The following MINDY3 variants were observed in gnomAD, a reference collection of about 807,000 sequenced individuals.
MINDY3 encodes ubiquitin carboxyl-terminal hydrolase MINDY-3.
A neutral mutation model predicts 69.2 loss-of-function variants in MINDY3; 38 were observed. The observed-to-expected ratio is 0.55, with a 90% CI of 0.42 to 0.72. The LOEUF (loss-of-function observed/expected upper bound fraction) is 0.72, where lower values mean the gene tolerates loss of function less well. Among genes scored for constraint, MINDY3 ranks in the 30% least tolerant of loss-of-function variants. The probability of loss-of-function intolerance (pLI) is 0.00; values close to 1 mark genes in which losing one functional copy is unlikely to be tolerated. For missense variants in MINDY3, 522 were observed against 519.0 expected (o/e 1.01, Z -0.06); for synonymous variants, 192 against 180.1 (o/e 1.07, Z -0.53).
intron 8 of MINDY3, among the ~76,000 whole-genome samples, chr10:15,827,415 C>CG (rs1476784476): frequency 6.6e-6 from 1 of 151,826 alleles, no homozygotes; most frequent in African/African-American, 2.4e-5. Context: ...GTGGCATATA[C>CG]CTATAATCCC....
At chr10:15,809,800 G>A in intron 10 of MINDY3, among the ~76,000 whole-genome samples, 1 of 151,966 alleles carries the variant, frequency 6.6e-6, no homozygotes. Context: ...AGACTCCTTA[G>A]GATACTATGT....
Position 15,841,612 on chromosome 10 carries a change from A to G in MINDY3, c.236-13T>C. On this transcript the variant is annotated splice_polypyrimidine_tract_variant and intron_variant, in intron 3 of 14. Transcript: ENST00000277632. ...TTCTGCTCTTCCTCTAAAAATAACC[A>G]AAGCATAAGTTATAATGGTTTCCTC... The G allele has an allele frequency of 6.3e-7, 1 of 1,583,752 alleles. No homozygotes were observed. The highest frequency in any genetic ancestry group is 1.2e-5 in the South Asian group (1 of 86,462).
intron 8 of MINDY3, among the ~76,000 whole-genome samples, chr10:15,822,248 AAAG>A (rs1469443481): frequency 9.2e-5 from 14 of 152,304 alleles, no homozygotes; most frequent in South Asian, 6.2e-4. Context: ...CTGGGGAAAT[AAAG>A]AAGAATAGAA....
Position 15,834,542 on chromosome 10 carries a change from C to G in MINDY3, c.650+1G>C. 1 of 1,604,986 alleles carries G rather than the reference C, an allele frequency of 6.2e-7. No individual in the cohort carries two copies. Among genetic ancestry groups the G allele is most frequent in the Non-Finnish European group, 8.5e-7 (1 of 1,174,810 alleles). On this transcript the variant is annotated splice_donor_variant, in intron 7 of 14. Transcript: ENST00000277632. LOFTEE classifies it high-confidence loss of function. ...GGAGACAAGAGATTTTAGTTAATTA[C>G]CTGCCATGTCCATATACAGGATCTA... is the stretch of plus-strand genomic sequence containing the variant.
At chr10:15,812,335 CACA>C (rs1188559854) in intron 10 of MINDY3, among the ~76,000 whole-genome samples, 1 of 152,162 alleles carries the variant, frequency 6.6e-6, no homozygotes, top group Non-Finnish European at 1.5e-5. Flanking sequence ...AAATATTACT[CACA>C]ACATCTTTTA....
chr10:15,849,412 G>A (rs925771280), intron 1 of MINDY3, among the ~76,000 whole-genome samples: 7 of 151,244 alleles, frequency 4.6e-5, no homozygotes, highest in Non-Finnish European at 7.4e-5. Context: ...AACCAGCAGA[G>A]ATCTTTCAGT....
At chr10:15,852,260 T>C (rs984427655) in intron 1 of MINDY3, among the ~76,000 whole-genome samples, 2 of 152,174 alleles carry the variant, frequency 1.3e-5, no homozygotes, top group Admixed American at 6.6e-5. Flanking sequence ...TATTGCTCAA[T>C]TAATGCTTGT....
At position 15,778,732 on chromosome 10, in the gene MINDY3, T is replaced by C. The variant is rs535622747; in HGVS notation, c.*260A>G. The stretch of plus-strand genomic sequence containing the variant: ...TTTGGTAAGTAAATGACCAAGTATC[T>C]GAATGCAAAAGTGATGAACTTTGAT... On this transcript the variant is annotated 3_prime_UTR_variant, in exon 15 of 15. Coordinates refer to ENST00000277632, the MANE Select transcript of MINDY3 (RefSeq NM_024948.4). 23 of 315,686 alleles carry C rather than the reference T, an allele frequency of 7.3e-5. 1 individual carries two copies. In the East Asian group the frequency reaches 1.2e-3, roughly 16 times the overall value. The allele number at this position is 315,686 out of a possible 1,614,324, so 19.6% of individuals were successfully genotyped here.
intron 1 of MINDY3, among the ~76,000 whole-genome samples, chr10:15,858,506 T>C (rs984623851): frequency 1.3e-5 from 2 of 152,234 alleles, no homozygotes; most frequent in African/African-American, 2.4e-5. Context: ...GTGTTCACTA[T>C]ACGTCAGATA....
chr10:15,807,425 A>C (rs1422101402), intron 10 of MINDY3, among the ~76,000 whole-genome samples: 1 of 152,204 alleles, frequency 6.6e-6, no homozygotes, highest in African/African-American at 2.4e-5. Flanking sequence ...TATTCTGGGC[A>C]GAGGATAACA....
chr10:15,828,413 C>A (rs1564503823), intron 8 of MINDY3, among the ~76,000 whole-genome samples: 1 of 151,888 alleles, frequency 6.6e-6, no homozygotes, highest in African/African-American at 2.4e-5. Context: ...CTAGGGCTGG[C>A]GTGGAAGGAA....
chr10:15,816,732 G>C, intron 10 of MINDY3, 103 bp downstream of exon 10: 1 of 770,588 alleles, frequency 1.3e-6, no homozygotes, highest in Non-Finnish European at 2.2e-6. Context: ...CATTTGTTGT[G>C]GGAATAGACT....
At chr10:15,859,090 T>G (rs1281013735) in intron 1 of MINDY3, among the ~76,000 whole-genome samples, 1 of 152,162 alleles carries the variant, frequency 6.6e-6, no homozygotes, top group Non-Finnish European at 1.5e-5. Context: ...ACAACTAATT[T>G]TTTTCGCCTG....
intron 7 of MINDY3, among the ~76,000 whole-genome samples, chr10:15,834,040 C>A (rs1020804206): frequency 2.6e-5 from 4 of 151,818 alleles, no homozygotes; most frequent in African/African-American, 9.7e-5. Flanking sequence ...AATATTTTGT[C>A]TTTGATGAAA....
chr10:15,836,677 T>C (rs993705278), intron 6 of MINDY3, among the ~76,000 whole-genome samples: 4 of 150,272 alleles, frequency 2.7e-5, no homozygotes, highest in African/African-American at 7.4e-5. Context: ...CCTGAGCAAA[T>C]GAAATATCCA....
At chr10:15,831,304 T>G (rs980962173) in intron 8 of MINDY3, among the ~76,000 whole-genome samples, 1 of 152,128 alleles carries the variant, frequency 6.6e-6, no homozygotes, top group Admixed American at 6.5e-5. Flanking sequence ...AGCCTGGCAG[T>G]GGGAGGGAAA....
At chr10:15,858,069 C>T (rs1233785707) in intron 1 of MINDY3, 1 of 258,224 alleles carries the variant, frequency 3.9e-6, no homozygotes, top group Non-Finnish European at 6.1e-6. Flanking sequence ...CAATATTTAG[C>T]AATGGCCTCA....
intron 8 of MINDY3, among the ~76,000 whole-genome samples, chr10:15,830,298 G>GA (rs1341904908): frequency 6.6e-6 from 1 of 152,156 alleles, no homozygotes; most frequent in Non-Finnish European, 1.5e-5. Context: ...AACATGTATT[G>GA]AACAGTGCTC....
At chr10:15,855,345 TAAG>T (rs1423684354) in intron 1 of MINDY3, among the ~76,000 whole-genome samples, 1 of 152,130 alleles carries the variant, frequency 6.6e-6, no homozygotes, top group Non-Finnish European at 1.5e-5. Context: ...CTTTTCATAA[TAAG>T]GTTTTACTTA....
Sources: allele counts gnomAD v4.1 joint callset (sites outside exome capture counted in the v4.1 genomes callset), GRCh38; gene constraint gnomAD v4.1.1; transcripts MANE v1.5; gene names NCBI Gene and HGNC (gene_info 2026-07-23, HGNC 2026-07-21).